Variants in ADGRL3 observed in about 807,000 individuals in gnomAD.
The protein encoded by ADGRL3 is adhesion G protein-coupled receptor L3, also known as calcium-independent alpha-latrotoxin receptor 3.
In ADGRL3, 62 loss-of-function variants were observed where a neutral mutation model predicts 153.5. That is an observed-to-expected ratio of 0.40 (90% CI 0.33 to 0.50). The LOEUF (loss-of-function observed/expected upper bound fraction) is 0.50. ADGRL3 is among the 20% of genes least tolerant of loss of function. ADGRL3 has a pLI of 0.47. For missense variants in ADGRL3, 1,641 were observed against 1,859.4 expected (o/e 0.88, Z 2.16); for synonymous variants, 710 against 672.5 (o/e 1.06, Z -0.86).
chr4:61,888,834 G>A (rs1264199750), intron 9 of ADGRL3, among the ~76,000 whole-genome samples: 1 of 152,132 alleles, frequency 6.6e-6, no homozygotes, highest in African/African-American at 2.4e-5. Flanking sequence ...CTTCATAAGA[G>A]TATATTCACT....
intron 22 of ADGRL3, 23 bp downstream of exon 22, chr4:62,028,904 A>G: frequency 1.3e-6 from 2 of 1,599,522 alleles, no homozygotes; most frequent in Non-Finnish European, 1.7e-6. Flanking sequence ...TGAATGGCTG[A>G]TAAATTCCGT....
intron 5 of ADGRL3, among the ~76,000 whole-genome samples, chr4:61,615,600 A>G (rs1050286305): frequency 8.8e-4 from 100 of 113,424 alleles, no homozygotes; most frequent in Non-Finnish European, 1.5e-3. Context: ...GTGTGTGTGT[A>G]TGTTTGTGTA....
chr4:62,052,748 G>C (rs1734907836), intron 25 of ADGRL3, among the ~76,000 whole-genome samples: 1 of 151,144 alleles, frequency 6.6e-6, no homozygotes, highest in African/African-American at 2.4e-5. Context: ...AACAGGTAAA[G>C]AGCTTTTCCC....
chr4:61,332,917 A>T (rs2095602596), intron 1 of ADGRL3, among the ~76,000 whole-genome samples: 1 of 152,178 alleles, frequency 6.6e-6, no homozygotes, highest in South Asian at 2.1e-4. Context: ...ATGGTGAAAG[A>T]ATCCGTATTC....
At chr4:61,313,545 G>T (rs2095093884) in intron 1 of ADGRL3, among the ~76,000 whole-genome samples, 1 of 152,124 alleles carries the variant, frequency 6.6e-6, no homozygotes, top group African/African-American at 2.4e-5. Context: ...ACTTAATGTT[G>T]TCAATAGGAT....
chr4:61,786,551 G>C (rs527316764), intron 8 of ADGRL3, among the ~76,000 whole-genome samples: 1 of 152,252 alleles, frequency 6.6e-6, no homozygotes, highest in Non-Finnish European at 1.5e-5. Context: ...ATTTGGCAAG[G>C]CACCCTTAGC....
At chr4:61,879,664 A>G (rs1056793607) in intron 9 of ADGRL3, among the ~76,000 whole-genome samples, 1 of 152,156 alleles carries the variant, frequency 6.6e-6, no homozygotes, top group African/African-American at 2.4e-5. Flanking sequence ...TAAAAAGAAA[A>G]CAATCAAGAG....
chr4:61,960,848 T>G (rs1398769791), intron 17 of ADGRL3, among the ~76,000 whole-genome samples: 1 of 152,120 alleles, frequency 6.6e-6, no homozygotes, highest in Non-Finnish European at 1.5e-5. Context: ...TAGCTGGGAC[T>G]ACAGGCGTGC....
chr4:61,325,302 C>T (rs2095442067), intron 1 of ADGRL3, among the ~76,000 whole-genome samples: 1 of 151,756 alleles, frequency 6.6e-6, no homozygotes, highest in South Asian at 2.1e-4. Context: ...CAGTGAGAGA[C>T]TCAATTTCAA....
At chr4:61,934,733 A>G in intron 13 of ADGRL3, 107 bp from the exon 14 acceptor site, 1 of 769,272 alleles carries the variant, frequency 1.3e-6, no homozygotes, top group Non-Finnish European at 2.2e-6. Context: ...TACTGAACTC[A>G]TGCACACACT....
intron 1 of ADGRL3, among the ~76,000 whole-genome samples, chr4:61,349,938 C>G (rs2096006054): frequency 6.6e-6 from 1 of 152,228 alleles, no homozygotes; most frequent in African/African-American, 2.4e-5. Context: ...AAAATATAAA[C>G]ATGCATTAAT....
At chr4:61,587,472 C>A in intron 5 of ADGRL3, 32 bp downstream of exon 5, 1 of 1,478,712 alleles carries the variant, frequency 6.8e-7, no homozygotes. Flanking sequence ...TTTCTTTGTG[C>A]ACAATATAAA....
intron 25 of ADGRL3, among the ~76,000 whole-genome samples, chr4:62,049,400 A>G (rs1232370475): frequency 6.6e-6 from 1 of 152,150 alleles, no homozygotes; most frequent in East Asian, 1.9e-4. Context: ...TTAGATTTTT[A>G]TGCATAGAGA....
At chr4:61,228,663 G>A (rs1251835489) in intron 1 of ADGRL3, among the ~76,000 whole-genome samples, 1 of 152,156 alleles carries the variant, frequency 6.6e-6, no homozygotes, top group Non-Finnish European at 1.5e-5. Flanking sequence ...AACCCATTAT[G>A]TGGAGAAATT....
intron 1 of ADGRL3, among the ~76,000 whole-genome samples, chr4:61,234,011 G>T (rs186426693): frequency 3.3e-5 from 5 of 152,130 alleles, no homozygotes; most frequent in East Asian, 1.9e-4. Context: ...GAAAGGGAGA[G>T]AAATTATTTT....
intron 2 of ADGRL3, among the ~76,000 whole-genome samples, chr4:61,473,344 G>C (rs963840009): frequency 1.1e-4 from 16 of 151,922 alleles, no homozygotes; most frequent in Admixed American, 7.9e-4. Context: ...TTTGTACCCT[G>C]GGTACTGTAC....
chr4:61,504,036 A>G (rs979372194), intron 3 of ADGRL3, among the ~76,000 whole-genome samples: 1 of 152,146 alleles, frequency 6.6e-6, no homozygotes, highest in South Asian at 2.1e-4. Context: ...TCTGTCACCC[A>G]GGCTGTAGTG....
intron 9 of ADGRL3, among the ~76,000 whole-genome samples, chr4:61,856,220 AT>A (rs1315251675): frequency 1.3e-5 from 2 of 152,052 alleles, no homozygotes; most frequent in Admixed American, 1.3e-4. Context: ...TAAATAATAA[AT>A]AAATAAAAAT....
chr4:61,723,466 C>A (rs982295918), intron 6 of ADGRL3, among the ~76,000 whole-genome samples: 2 of 152,120 alleles, frequency 1.3e-5, no homozygotes, highest in African/African-American at 2.4e-5. Context: ...CAGATAAAAA[C>A]CCCTGCCCCT....
Sources: gnomAD v4.1 joint callset for allele counts (sites outside exome capture counted in the v4.1 genomes callset) on GRCh38, gnomAD v4.1.1 for gene constraint, MANE v1.5 for transcripts, NCBI Gene and HGNC (gene_info 2026-07-23, HGNC 2026-07-21) for gene names.